PCDH15: variants seen among roughly 807,000 people sequenced by gnomAD.
The protein encoded by PCDH15 is protocadherin-15.
Under a neutral mutation model 178.5 loss-of-function variants are expected in PCDH15, and 129 were observed. That is an observed-to-expected ratio of 0.72 (90% CI 0.63 to 0.84). The LOEUF (loss-of-function observed/expected upper bound fraction) is 0.84. PCDH15 is among the 40% of genes least tolerant of loss of function. PCDH15 has a pLI of 0.00. For missense variants in PCDH15, 2,230 were observed against 2,099.9 expected (o/e 1.06, Z -1.21); for synonymous variants, 800 against 732.0 (o/e 1.09, Z -1.50).
At chr10:55,612,647 A>G (rs929300364) in intron 2 of PCDH15, among the ~76,000 whole-genome samples, 2 of 152,210 alleles carry the variant, frequency 1.3e-5, no homozygotes, top group African/African-American at 4.8e-5. Flanking sequence ...TGAGATTATG[A>G]AAGCAAAATC....
At chr10:54,934,177 T>G (rs1211239565) in intron 2 of PCDH15, among the ~76,000 whole-genome samples, 1 of 152,142 alleles carries the variant, frequency 6.6e-6, no homozygotes, top group Non-Finnish European at 1.5e-5. Context: ...AATTTTTTTG[T>G]CCTATTGTCT....
At chr10:54,283,408 G>A (rs1174956586) in intron 8 of PCDH15, among the ~76,000 whole-genome samples, 1 of 152,144 alleles carries the variant, frequency 6.6e-6, no homozygotes, top group African/African-American at 2.4e-5. Flanking sequence ...GCTAGGCTGT[G>A]TAGAAAATAC....
chr10:54,683,824 C>A (rs1409912723), intron 1 of PCDH15, among the ~76,000 whole-genome samples: 1 of 152,086 alleles, frequency 6.6e-6, no homozygotes, highest in Non-Finnish European at 1.5e-5. Context: ...CTCTTACATG[C>A]TACAATATTT....
chr10:54,097,146 T>A (rs1187266226), intron 15 of PCDH15, among the ~76,000 whole-genome samples: 1 of 152,142 alleles, frequency 6.6e-6, no homozygotes, highest in Non-Finnish European at 1.5e-5. Context: ...CCACAGACCA[T>A]TTTCAATGCA....
At chr10:54,985,963 T>A (rs1240742247) in intron 2 of PCDH15, among the ~76,000 whole-genome samples, 1 of 152,320 alleles carries the variant, frequency 6.6e-6, no homozygotes, top group African/African-American at 2.4e-5. Flanking sequence ...TGATTTAAAA[T>A]AACATAAGGC....
intron 2 of PCDH15, among the ~76,000 whole-genome samples, chr10:55,504,671 A>G (rs1317046630): frequency 6.6e-6 from 1 of 151,390 alleles, no homozygotes; most frequent in Non-Finnish European, 1.5e-5. Context: ...AACAGCATAC[A>G]ATAATGAATA....
chr10:54,176,333 T>C (rs930954218), intron 13 of PCDH15, among the ~76,000 whole-genome samples: 36 of 152,126 alleles, frequency 2.4e-4, no homozygotes, highest in Admixed American at 8.5e-4. Context: ...GGAGATACAG[T>C]TGATAGCTGG....
intron 1 of PCDH15, among the ~76,000 whole-genome samples, chr10:54,765,738 A>G (rs1471236522): frequency 6.6e-6 from 1 of 151,950 alleles, no homozygotes; most frequent in Non-Finnish European, 1.5e-5. Context: ...GAGAAATTAG[A>G]AGTTCAGATC....
chr10:55,267,848 G>A (rs1842340471), intron 1 of PCDH15, among the ~76,000 whole-genome samples: 1 of 152,120 alleles, frequency 6.6e-6, no homozygotes, highest in Admixed American at 6.6e-5. Context: ...GTATGAGACA[G>A]GTTCCACAGA....
At chr10:55,299,725 C>A (rs866431069) in intron 1 of PCDH15, among the ~76,000 whole-genome samples, 59 of 152,238 alleles carry the variant, frequency 3.9e-4, no homozygotes, top group Admixed American at 9.2e-4. Flanking sequence ...ATTGGACCAA[C>A]CTCCAATAAA....
intron 2 of PCDH15, among the ~76,000 whole-genome samples, chr10:55,010,307 C>A (rs1177606902): frequency 6.6e-6 from 1 of 151,996 alleles, no homozygotes; most frequent in Non-Finnish European, 1.5e-5. Context: ...TGCTGGGAGG[C>A]CTGACTATGT....
chr10:55,269,228 A>G (rs1322151066), intron 1 of PCDH15, among the ~76,000 whole-genome samples: 1 of 152,158 alleles, frequency 6.6e-6, no homozygotes, highest in Non-Finnish European at 1.5e-5. Flanking sequence ...GAAAACCACA[A>G]GGATGCCCAC....
rs552218902 is a variant in PCDH15 at position 54,645,500 on chromosome 10, A to T, written c.91+18672T>A. On this transcript the variant is annotated intron_variant, in intron 2 of 37. Coordinates refer to ENST00000644397, the MANE Select transcript of PCDH15 (RefSeq NM_001384140.1). ...AAAGTTGTAGGAGATAGAGAAAATTAAAAAAAATAAAAGTACAGATACCAA... is the reference window on the plus strand; with the variant it reads ...AAAGTTGTAGGAGATAGAGAAAATTTAAAAAAATAAAAGTACAGATACCAA... Among the ~76,000 whole-genome samples the T allele has an allele frequency of 9.9e-5, 15 of 151,750 alleles. No homozygotes were observed. In the East Asian group the frequency reaches 2.1e-3, roughly 21 times the overall value.
chr10:55,093,570 T>A (rs1036214258), intron 2 of PCDH15, among the ~76,000 whole-genome samples: 1 of 68 alleles, frequency 0.015, no homozygotes, highest in Non-Finnish European at 0.026. Flanking sequence ...ATGTCCTGAA[T>A]GGTTTTGCTA....
At chr10:55,383,398 T>C (rs965573567) in intron 2 of PCDH15, among the ~76,000 whole-genome samples, 2 of 151,650 alleles carry the variant, frequency 1.3e-5, no homozygotes, top group African/African-American at 4.8e-5. Flanking sequence ...CGGGCTGGGG[T>C]GGTTTTGGAA....
chr10:55,462,199 A>T (rs1298113939), intron 2 of PCDH15, among the ~76,000 whole-genome samples: 1 of 152,160 alleles, frequency 6.6e-6, no homozygotes, highest in East Asian at 1.9e-4. Context: ...AATTTTTGTA[A>T]TAATCTATGA....
At chr10:54,598,828 C>T (rs2092370574) in intron 2 of PCDH15, among the ~76,000 whole-genome samples, 1 of 152,052 alleles carries the variant, frequency 6.6e-6, no homozygotes, top group South Asian at 2.1e-4. Context: ...TATACATCAA[C>T]AACAGCCAAG....
chr10:55,245,388 C>T (rs1041025806), intron 1 of PCDH15, among the ~76,000 whole-genome samples: 4 of 151,962 alleles, frequency 2.6e-5, no homozygotes, highest in Admixed American at 2.0e-4. Flanking sequence ...AACACCCCCC[C>T]AAAACATCTT....
At chr10:54,676,679 C>G (rs2094795930) in intron 1 of PCDH15, among the ~76,000 whole-genome samples, 1 of 152,130 alleles carries the variant, frequency 6.6e-6, no homozygotes, top group Admixed American at 6.5e-5. Flanking sequence ...TTGAAAGGTT[C>G]AAGTTTTTAA....
Sources: gnomAD v4.1 joint callset for allele counts (sites outside exome capture counted in the v4.1 genomes callset) on GRCh38, gnomAD v4.1.1 for gene constraint, MANE v1.5 for transcripts, NCBI Gene and HGNC (gene_info 2026-07-23, HGNC 2026-07-21) for gene names.